The following PCDH7 variants were observed in gnomAD, a reference collection of about 807,000 sequenced individuals.
PCDH7 encodes protocadherin 7, also known as protocadherin-7.
A neutral mutation model predicts 58.9 loss-of-function variants in PCDH7; 17 were observed. The ratio of observed to expected loss-of-function variants is 0.29; its 90% confidence interval spans 0.20 to 0.43. The LOEUF is 0.43. Ranked by LOEUF, PCDH7 falls within the 20% of genes least tolerant of loss-of-function variation. The pLI, the probability that PCDH7 is intolerant of heterozygous loss-of-function variation, is 1.00. For synonymous variants in PCDH7, 664 were observed against 616.4 expected (o/e 1.08, Z -1.14); for missense variants, 1,274 against 1,441.0 (o/e 0.88, Z 1.88).
chr4:30,814,317 C>T (rs1727396391), intron 1 of PCDH7, among the ~76,000 whole-genome samples: 2 of 151,998 alleles, frequency 1.3e-5, no homozygotes, highest in Admixed American at 6.6e-5. Flanking sequence ...TTATTTTCAT[C>T]ATGCCTTGCA....
intron 2 of PCDH7, among the ~76,000 whole-genome samples, chr4:30,938,682 A>G (rs1745658307): frequency 6.6e-6 from 1 of 152,140 alleles, no homozygotes; most frequent in South Asian, 2.1e-4. Flanking sequence ...TAATATATTG[A>G]GATATTTTTA....
chr4:31,056,472 A>G (rs142646961), intron 3 of PCDH7, among the ~76,000 whole-genome samples: 1,456 of 74,748 alleles, frequency 0.019, 23 homozygotes, highest in South Asian at 0.026. Context: ...AAAGAAAGAA[A>G]GAAAGAAAGA....
intron 1 of PCDH7, among the ~76,000 whole-genome samples, chr4:30,782,180 T>TA (rs1242682364): frequency 6.6e-6 from 1 of 152,214 alleles, no homozygotes; most frequent in Admixed American, 6.5e-5. Context: ...ACACTTTTTT[T>TA]ATATTAGTTT....
In PCDH7 at chr4:31,079,584, C is replaced by T. The variant is rs965656611; in HGVS notation, c.*8-62889C>T. Among the ~76,000 whole-genome samples the T allele has an allele frequency of 3.4e-5, 5 of 148,108 alleles. No homozygotes were observed. The South Asian group carries it at 1.1e-3, about 32-fold the overall frequency. On this transcript the variant is annotated intron_variant, in intron 3 of 3. Transcript: ENST00000509759. ...GTGGAGAGATAGAAATTTTCATATACTGTTTTTTTTTTGAGAGTACAGGTT... is the reference window on the plus strand; with the variant it reads ...GTGGAGAGATAGAAATTTTCATATATTGTTTTTTTTTTGAGAGTACAGGTT...
intron 3 of PCDH7, among the ~76,000 whole-genome samples, chr4:31,024,571 G>T (rs998533007): frequency 6.6e-6 from 1 of 152,118 alleles, no homozygotes; most frequent in Non-Finnish European, 1.5e-5. Flanking sequence ...TAATACTGAA[G>T]ATGGATATAT....
intron 3 of PCDH7, among the ~76,000 whole-genome samples, chr4:31,047,426 G>A (rs1187001147): frequency 1.3e-5 from 2 of 151,958 alleles, no homozygotes; most frequent in Non-Finnish European, 1.5e-5. Context: ...GTCATGTACA[G>A]CTGTATCTTT....
chr4:30,896,813 A>G (rs1287526835), intron 1 of PCDH7, among the ~76,000 whole-genome samples: 1 of 149,580 alleles, frequency 6.7e-6, no homozygotes, highest in Non-Finnish European at 1.5e-5. Flanking sequence ...ATCTTTGCAC[A>G]TACATGGACA....
intron 3 of PCDH7, among the ~76,000 whole-genome samples, chr4:31,122,416 T>C (rs1717801870): frequency 6.6e-6 from 1 of 152,172 alleles, no homozygotes; most frequent in Admixed American, 6.5e-5. Context: ...ACAAGTCTTC[T>C]CAAGATATTT....
At chr4:30,936,425 ATAAT>A (rs1269310110) in intron 2 of PCDH7, among the ~76,000 whole-genome samples, 4 of 152,076 alleles carry the variant, frequency 2.6e-5, no homozygotes, top group Non-Finnish European at 5.9e-5. Flanking sequence ...TGTAGCCATT[ATAAT>A]TATTTATATT....
chr4:30,875,687 C>T (rs1366090139), intron 1 of PCDH7, among the ~76,000 whole-genome samples: 1 of 152,058 alleles, frequency 6.6e-6, no homozygotes, highest in African/African-American at 2.4e-5. Flanking sequence ...TGTTAGAATT[C>T]ATGTGGTAGT....
At chr4:31,052,358 A>G (rs946495481) in intron 3 of PCDH7, among the ~76,000 whole-genome samples, 4 of 152,178 alleles carry the variant, frequency 2.6e-5, no homozygotes, top group African/African-American at 9.6e-5. Context: ...TTGAAACTAC[A>G]CAAAGGAATG....
chr4:30,996,286 T>A (rs1237651617), intron 3 of PCDH7, among the ~76,000 whole-genome samples: 1 of 152,190 alleles, frequency 6.6e-6, no homozygotes, highest in Non-Finnish European at 1.5e-5. Context: ...TCCATTTTAA[T>A]ATGGTCATTC....
At chr4:30,901,247 C>A (rs1184279366) in intron 1 of PCDH7, among the ~76,000 whole-genome samples, 1 of 152,214 alleles carries the variant, frequency 6.6e-6, no homozygotes, top group East Asian at 1.9e-4. Context: ...TATAATAAGT[C>A]ACATTTACAT....
intron 3 of PCDH7, among the ~76,000 whole-genome samples, chr4:31,128,587 A>G (rs978269620): frequency 3.9e-5 from 6 of 152,208 alleles, no homozygotes; most frequent in African/African-American, 7.2e-5. Context: ...ACTGCCAACT[A>G]GAAGTCGTGA....
chr4:30,841,681 A>C (rs888436939), intron 1 of PCDH7, among the ~76,000 whole-genome samples: 3 of 152,048 alleles, frequency 2.0e-5, no homozygotes, highest in Non-Finnish European at 4.4e-5. Flanking sequence ...TATATGTGAA[A>C]ATGTAAAATA....
intron 3 of PCDH7, among the ~76,000 whole-genome samples, chr4:30,993,257 A>G (rs1751609742): frequency 6.6e-6 from 1 of 152,142 alleles, no homozygotes; most frequent in African/African-American, 2.4e-5. Context: ...TACATTTCCC[A>G]TGTATGTGAT....
intron 3 of PCDH7, among the ~76,000 whole-genome samples, chr4:31,007,586 G>C (rs1051714283): frequency 7.0e-6 from 1 of 142,490 alleles, no homozygotes; most frequent in Non-Finnish European, 1.5e-5. Flanking sequence ...TGGTTTTATG[G>C]TTTTTTTTTT....
intron 1 of PCDH7, among the ~76,000 whole-genome samples, chr4:30,770,152 A>T (rs1231279243): frequency 6.6e-6 from 1 of 152,212 alleles, no homozygotes; most frequent in African/African-American, 2.4e-5. Flanking sequence ...CTGTGATTAG[A>T]GAGCTATGAA....
At chr4:31,037,011 C>A (rs1755464847) in intron 3 of PCDH7, among the ~76,000 whole-genome samples, 1 of 152,026 alleles carries the variant, frequency 6.6e-6, no homozygotes, top group Non-Finnish European at 1.5e-5. Context: ...GATTCAATTA[C>A]CTCCCACCGC....
Sources: gnomAD v4.1 joint callset for allele counts (sites outside exome capture counted in the v4.1 genomes callset) on GRCh38, gnomAD v4.1.1 for gene constraint, MANE v1.5 for transcripts, NCBI Gene and HGNC (gene_info 2026-07-23, HGNC 2026-07-21) for gene names.